PRKG1: variants seen among roughly 807,000 people sequenced by gnomAD.
PRKG1 encodes protein kinase cGMP-dependent 1, also known as cGMP-dependent protein kinase 1.
PRKG1 carries 35 observed loss-of-function variants against 88.1 expected under a neutral mutation model. The observed-to-expected ratio is 0.40, with a 90% CI of 0.30 to 0.53. The LOEUF (loss-of-function observed/expected upper bound fraction) is 0.53, where lower values mean the gene tolerates loss of function less well. Among genes scored for constraint, PRKG1 ranks in the 20% least tolerant of loss-of-function variants. The probability of loss-of-function intolerance (pLI) is 0.59; values close to 1 mark genes in which losing one functional copy is unlikely to be tolerated. For synonymous variants in PRKG1, 303 were observed against 292.5 expected (o/e 1.04, Z -0.37); for missense variants, 540 against 839.8 (o/e 0.64, Z 4.41).
At chr10:51,859,385 A>T (rs1335507547) in intron 4 of PRKG1, among the ~76,000 whole-genome samples, 1 of 151,504 alleles carries the variant, frequency 6.6e-6, no homozygotes, top group African/African-American at 2.4e-5. Flanking sequence ...GAAGAGAGTA[A>T]GAGATCTTTA....
chr10:52,077,812 T>C (rs778531662), intron 7 of PRKG1, among the ~76,000 whole-genome samples: 42 of 152,148 alleles, frequency 2.8e-4, no homozygotes, highest in Non-Finnish European at 5.3e-4. Flanking sequence ...TAAATGGAAT[T>C]AGATGCCCAT....
At chr10:51,034,672 A>ATG (rs1843330817) in intron 1 of PRKG1, among the ~76,000 whole-genome samples, 1 of 99,170 alleles carries the variant, frequency 1.0e-5, no homozygotes, top group African/African-American at 4.9e-5. Context: ...TGTTATTTAT[A>ATG]TATATATATA....
chr10:51,995,122 C>A (rs1844406058), intron 5 of PRKG1, among the ~76,000 whole-genome samples: 1 of 152,002 alleles, frequency 6.6e-6, no homozygotes, highest in Non-Finnish European at 1.5e-5. Context: ...AGCTTTAATT[C>A]AAAGCCAATT....
At position 51,602,780 on chromosome 10, in the gene PRKG1, G is replaced by GTATA. The variant is rs752734995; in HGVS notation, c.592+134948_592+134951dup. On this transcript the variant is annotated intron_variant, in intron 3 of 17. Transcript: ENST00000373980. ...TGTGTGTGTGTGTGTGTGTGTGTGT[G>GTATA]TATATATTCATATATATATTAATTT... is the stretch of plus-strand genomic sequence containing the variant. Among the ~76,000 whole-genome samples the GTATA allele has an allele frequency of 5.6e-4, 71 of 126,508 alleles. 2 individuals are homozygous for GTATA. Among genetic ancestry groups the GTATA allele is most frequent in the African/African-American group, 2.1e-3 (54 of 25,442 alleles). 83.0% of individuals were successfully genotyped at this position (126,508 alleles called of 152,430 possible).
At chr10:51,544,695 C>G (rs1279191326) in intron 3 of PRKG1, among the ~76,000 whole-genome samples, 1 of 152,148 alleles carries the variant, frequency 6.6e-6, no homozygotes, top group Non-Finnish European at 1.5e-5. Context: ...GTTCCTATTT[C>G]TCCACATCCT....
intron 2 of PRKG1, among the ~76,000 whole-genome samples, chr10:51,427,240 A>G (rs563619097): frequency 1.6e-4 from 24 of 152,270 alleles, no homozygotes; most frequent in Admixed American, 1.0e-3. Flanking sequence ...GGAGGGAGAG[A>G]GATGAACAGA....
intron 12 of PRKG1, among the ~76,000 whole-genome samples, chr10:52,276,539 A>G (rs1358320499): frequency 6.6e-6 from 1 of 152,122 alleles, no homozygotes; most frequent in Non-Finnish European, 1.5e-5. Flanking sequence ...TTCATAAATA[A>G]CCTTCTATTT....
chr10:51,099,425 G>A (rs7090485), intron 1 of PRKG1, among the ~76,000 whole-genome samples: 115,413 of 150,890 alleles, frequency 0.76, 44,611 homozygotes, highest in East Asian at 0.86. Flanking sequence ...ACTCACTCAC[G>A]TGCTTTTCAT....
chr10:51,235,971 G>T (rs933870693), intron 2 of PRKG1, among the ~76,000 whole-genome samples: 2 of 152,150 alleles, frequency 1.3e-5, no homozygotes, highest in Non-Finnish European at 2.9e-5. Context: ...CACCTGGAGG[G>T]CTTGTTAAAA....
At chr10:52,173,700 C>G (rs1418710326) in intron 9 of PRKG1, among the ~76,000 whole-genome samples, 1 of 152,084 alleles carries the variant, frequency 6.6e-6, no homozygotes, top group Non-Finnish European at 1.5e-5. Context: ...AGGCAGCCAG[C>G]CTATTCCCTA....
chr10:51,002,240 C>T (rs1339977614), intron 1 of PRKG1, among the ~76,000 whole-genome samples: 1 of 151,224 alleles, frequency 6.6e-6, no homozygotes, highest in East Asian at 1.9e-4. Context: ...CTCCCTTCTA[C>T]CCCCATAACA....
At chr10:51,493,808 A>G (rs1423719592) in intron 3 of PRKG1, among the ~76,000 whole-genome samples, 2 of 152,212 alleles carry the variant, frequency 1.3e-5, no homozygotes, top group Non-Finnish European at 2.9e-5. Context: ...ATTAGAGAAT[A>G]TATCATCATT....
intron 4 of PRKG1, among the ~76,000 whole-genome samples, chr10:51,863,892 A>G (rs1343252451): frequency 6.6e-6 from 1 of 152,208 alleles, no homozygotes; most frequent in Non-Finnish European, 1.5e-5. Flanking sequence ...ATCTCTGCTT[A>G]TCAACAATTT....
rs149435066 is a variant in PRKG1, at chr10:51,852,114, A to G, written c.698+47424A>G. Among the ~76,000 whole-genome samples, 34 of 150,426 alleles carry G rather than the reference A, an allele frequency of 2.3e-4. No homozygotes were observed. The East Asian group carries it at 6.0e-3, about 27-fold the overall frequency. On this transcript the variant is annotated intron_variant, in intron 4 of 17. Transcript: ENST00000373980. ...ATAGATAAAACTTAGACTTATATATATATTTACATATGATATATATATAAG... is the reference window on the plus strand; with the variant it reads ...ATAGATAAAACTTAGACTTATATATGTATTTACATATGATATATATATAAG...
intron 5 of PRKG1, among the ~76,000 whole-genome samples, chr10:52,028,941 A>G (rs1213443095): frequency 1.3e-5 from 2 of 152,220 alleles, no homozygotes; most frequent in Non-Finnish European, 2.9e-5. Context: ...GTTTAAAAAA[A>G]TACTATTTCA....
chr10:51,699,472 C>T lies in PRKG1; in HGVS notation c.593-105113C>T, dbSNP rs573339165. 6 of 1,613,982 alleles carry T rather than the reference C, an allele frequency of 3.7e-6. No homozygotes were observed. In the African/African-American group the frequency reaches 5.3e-5, roughly 14 times the overall value. On this transcript the variant is annotated intron_variant, in intron 3 of 17. Coordinates refer to ENST00000373980, the MANE Select transcript of PRKG1 (RefSeq NM_006258.4). ...TGTCCTTTAACTGCTCCTCAGTTGC[C>T]TCATATGGAATGTTCCCCACGAACA...
chr10:51,755,026 A>T (rs1170363746), intron 3 of PRKG1, among the ~76,000 whole-genome samples: 1 of 151,752 alleles, frequency 6.6e-6, no homozygotes, highest in Non-Finnish European at 1.5e-5. Flanking sequence ...AAAAAAAAAA[A>T]TAGACACACA....
chr10:51,584,792 A>G (rs1052324933), intron 3 of PRKG1, among the ~76,000 whole-genome samples: 35 of 152,124 alleles, frequency 2.3e-4, no homozygotes, highest in African/African-American at 7.5e-4. Flanking sequence ...CTTACACCAG[A>G]TAGTTCAGTT....
intron 5 of PRKG1, among the ~76,000 whole-genome samples, chr10:51,976,658 G>C (rs187661586): frequency 6.6e-6 from 1 of 151,986 alleles, no homozygotes; most frequent in East Asian, 1.9e-4. Context: ...TTTTAGGTTG[G>C]ATAAAAAATT....
Sources: gnomAD v4.1 joint callset for allele counts (sites outside exome capture counted in the v4.1 genomes callset) on GRCh38, gnomAD v4.1.1 for gene constraint, MANE v1.5 for transcripts, NCBI Gene and HGNC (gene_info 2026-07-23, HGNC 2026-07-21) for gene names.